The following ARHGAP12 variants were observed in gnomAD, a reference collection of about 807,000 sequenced individuals.
ARHGAP12 encodes Rho GTPase activating protein 12, also known as rho GTPase-activating protein 12.
ARHGAP12 carries 64 observed loss-of-function variants against 108.6 expected under a neutral mutation model. The ratio of observed to expected loss-of-function variants is 0.59; its 90% CI spans 0.48 to 0.73. The LOEUF (loss-of-function observed/expected upper bound fraction) is 0.73, where lower values mean the gene tolerates loss of function less well. Among genes scored for constraint, ARHGAP12 ranks in the 30% least tolerant of loss-of-function variants. The pLI, the probability that ARHGAP12 is intolerant of heterozygous loss-of-function variation, is 0.00. For synonymous variants in ARHGAP12, 312 were observed against 337.2 expected (o/e 0.93, Z 0.82); for missense variants, 940 against 1,005.9 (o/e 0.93, Z 0.89).
At chr10:31,894,694 T>C (rs571616283) in intron 3 of ARHGAP12, among the ~76,000 whole-genome samples, 18 of 152,258 alleles carry the variant, frequency 1.2e-4, no homozygotes, top group South Asian at 4.1e-4. Flanking sequence ...TATAGATTCA[T>C]TGCCATCCCC....
chr10:31,880,407 G>A (rs1837898959), intron 3 of ARHGAP12, among the ~76,000 whole-genome samples: 1 of 152,068 alleles, frequency 6.6e-6, no homozygotes. Flanking sequence ...CCAGGAGTTT[G>A]AGACCAGGCT....
intron 1 of ARHGAP12, among the ~76,000 whole-genome samples, chr10:31,918,513 A>G (rs1246064150): frequency 6.6e-6 from 1 of 152,120 alleles, no homozygotes; most frequent in Non-Finnish European, 1.5e-5. Context: ...GACCAGCCTG[A>G]GTAACATAAC....
chr10:31,870,901 TTAAC>T (rs1188015833), intron 3 of ARHGAP12, among the ~76,000 whole-genome samples: 7 of 152,248 alleles, frequency 4.6e-5, no homozygotes, highest in African/African-American at 1.4e-4. Context: ...GTTTACTTAC[TTAAC>T]TAACATTTAA....
intron 3 of ARHGAP12, among the ~76,000 whole-genome samples, chr10:31,892,902 C>A (rs1457461314): frequency 6.6e-6 from 1 of 152,190 alleles, no homozygotes; most frequent in African/African-American, 2.4e-5. Context: ...CAAACTGTCT[C>A]TCAGACCACA....
At chr10:31,840,695 A>G (rs1294947720) in intron 7 of ARHGAP12, among the ~76,000 whole-genome samples, 2 of 152,158 alleles carry the variant, frequency 1.3e-5, no homozygotes, top group African/African-American at 4.8e-5. Flanking sequence ...TGTTTTAAGT[A>G]ACACTTGCAA....
At chr10:31,875,101 T>G (rs1223916240) in intron 3 of ARHGAP12, among the ~76,000 whole-genome samples, 2 of 151,916 alleles carry the variant, frequency 1.3e-5, no homozygotes, top group East Asian at 1.9e-4. Context: ...CTGCTGGGTT[T>G]GTTTGTCTGC....
chr10:31,845,174 T>C (rs1836406258), intron 6 of ARHGAP12, among the ~76,000 whole-genome samples: 1 of 152,238 alleles, frequency 6.6e-6, no homozygotes, highest in Non-Finnish European at 1.5e-5. Flanking sequence ...ATTTTCAAAC[T>C]CACTTTTTAC....
intron 3 of ARHGAP12, among the ~76,000 whole-genome samples, chr10:31,905,379 C>G (rs1187768030): frequency 6.6e-6 from 1 of 152,112 alleles, no homozygotes; most frequent in African/African-American, 2.4e-5. Flanking sequence ...TACAAGCGCA[C>G]ACTAAAATTC....
Position 31,861,403 on chromosome 10 carries a change from C to G in ARHGAP12, c.940G>C (p.Asp314His), listed in dbSNP as rs113025800. 5 of 1,611,782 alleles carry G rather than the reference C, an allele frequency of 3.1e-6. No individual in the cohort carries two copies. The highest frequency in any genetic ancestry group is 2.7e-5 in the African/African-American group (2 of 74,886). Residue 314 changes from aspartate to histidine, a missense_variant, in exon 4 of 20, where the codon GAT becomes CAT. By Grantham distance (81) the Asp-to-His change is moderately conservative. Transcript: ENST00000344936. ...ISKGDFQNPG[D>H]QELLSSEENY... ...TCCTTAATTACTCATACCTCTTGAT[C>G]CCCTGGATTTTGGAAATCTCCTTTG...
intron 3 of ARHGAP12, among the ~76,000 whole-genome samples, chr10:31,884,253 T>C (rs1259004200): frequency 6.6e-6 from 1 of 152,028 alleles, no homozygotes; most frequent in Non-Finnish European, 1.5e-5. Context: ...AAATTATGTA[T>C]TAGTTCATTT....
At chr10:31,905,499 G>C (rs1020947093) in intron 3 of ARHGAP12, among the ~76,000 whole-genome samples, 1 of 152,202 alleles carries the variant, frequency 6.6e-6, no homozygotes, top group African/African-American at 2.4e-5. Context: ...TATCATGTGA[G>C]TGGGAAATGA....
intron 3 of ARHGAP12, among the ~76,000 whole-genome samples, chr10:31,902,287 C>T (rs183549226): frequency 1.8e-4 from 28 of 151,460 alleles, no homozygotes; most frequent in Non-Finnish European, 3.2e-4. Context: ...GGAAAGACAG[C>T]CTTTTCAACA....
At chr10:31,899,964 C>T (rs1425895212) in intron 3 of ARHGAP12, among the ~76,000 whole-genome samples, 1 of 152,078 alleles carries the variant, frequency 6.6e-6, no homozygotes, top group African/African-American at 2.4e-5. Context: ...ATTTGTAAAA[C>T]ATACATCTGA....
chr10:31,868,097 C>T (rs1282344846), intron 3 of ARHGAP12, among the ~76,000 whole-genome samples: 2 of 151,968 alleles, frequency 1.3e-5, no homozygotes, highest in African/African-American at 4.8e-5. Context: ...ACTTGGGAGG[C>T]TGAGACAGGA....
At chr10:31,821,244 C>A (rs1835406007) in intron 11 of ARHGAP12, among the ~76,000 whole-genome samples, 1 of 152,074 alleles carries the variant, frequency 6.6e-6, no homozygotes, top group Non-Finnish European at 1.5e-5. Flanking sequence ...AATGGGAAGA[C>A]AGTTGTTACG....
At chr10:31,862,740 AC>A (rs1837173770) in intron 3 of ARHGAP12, among the ~76,000 whole-genome samples, 8 of 140,478 alleles carry the variant, frequency 5.7e-5, no homozygotes, top group Admixed American at 2.1e-4. Flanking sequence ...ACACACACAC[AC>A]ACACACACAC....
Position 31,843,573 on chromosome 10 carries a change from G to A in ARHGAP12, c.1184C>T (p.Ser395Phe), listed in dbSNP as rs773859173. The change falls in exon 7 of 20, where the codon TCC (serine) becomes TTC (phenylalanine). Residue 395 changes from serine to phenylalanine, a missense_variant. By Grantham distance (155) the Ser-to-Phe change is radical. Coordinates refer to ENST00000344936, the MANE Select transcript of ARHGAP12 (RefSeq NM_018287.7). ...TTTAATTATTTCTCTTTGCTGCTGG[G>A]ATGAAGCATTATACTAAAACAAAAC... Reference protein sequence around the residue: ...EWELPKYNASSQQQREIIKSR... With the variant: ...EWELPKYNASFQQQREIIKSR... 6.2e-6 allele frequency: 10 copies of A among 1,604,706 alleles called. No individual in the cohort carries two copies. The African/African-American group carries it at 1.4e-4, about 22-fold the overall frequency.
intron 13 of ARHGAP12, 115 bp downstream of exon 13, chr10:31,817,673 C>T: frequency 1.6e-6 from 1 of 617,192 alleles, no homozygotes; most frequent in Non-Finnish European, 2.7e-6. Flanking sequence ...CTCTGTCAAA[C>T]ATATATAAAG....
At chr10:31,896,236 A>G (rs989020512) in intron 3 of ARHGAP12, among the ~76,000 whole-genome samples, 1 of 151,042 alleles carries the variant, frequency 6.6e-6, no homozygotes, top group Non-Finnish European at 1.5e-5. Flanking sequence ...CTTAAAGTAT[A>G]ATAAAAATAT....
Sources: allele counts gnomAD v4.1 joint callset (sites outside exome capture counted in the v4.1 genomes callset), GRCh38; gene constraint gnomAD v4.1.1; transcripts MANE v1.5; gene names NCBI Gene and HGNC (gene_info 2026-07-23, HGNC 2026-07-21).